The following VCAN variants were observed in gnomAD, a reference collection of about 807,000 sequenced individuals.
VCAN encodes versican.
A neutral mutation model predicts 245.5 loss-of-function variants in VCAN; 44 were observed. That is an observed-to-expected ratio of 0.18 (90% CI 0.14 to 0.23). VCAN has a LOEUF of 0.23. Ranked by LOEUF, VCAN falls within the 10% of genes least tolerant of loss-of-function variation. The pLI, the probability that VCAN is intolerant of heterozygous loss-of-function variation, is 1.00. For missense variants in VCAN, 3,793 were observed against 4,057.9 expected, an observed-to-expected ratio of 0.93 and a Z score of 1.77; for synonymous variants, 1,413 against 1,437.0, an observed-to-expected ratio of 0.98 and a Z score of 0.38.
At chr5:83,550,557 G>A (rs1472784966) in intron 10 of VCAN, among the ~76,000 whole-genome samples, 1 of 152,174 alleles carries the variant, frequency 6.6e-6, no homozygotes, top group East Asian at 1.9e-4. Context: ...CTTGACAAAT[G>A]ATCCTTCATT....
At chr5:83,495,433 G>T (rs902758414) in intron 5 of VCAN, among the ~76,000 whole-genome samples, 4 of 152,160 alleles carry the variant, frequency 2.6e-5, no homozygotes, top group African/African-American at 9.7e-5. Flanking sequence ...TAAACCAAAA[G>T]TGCAGATGTG....
chr5:83,515,948 A>G (rs1745832527), intron 6 of VCAN, among the ~76,000 whole-genome samples: 1 of 152,166 alleles, frequency 6.6e-6, no homozygotes, highest in Non-Finnish European at 1.5e-5. Context: ...GATAGTTTGA[A>G]TTGGCCGGGC....
Position 83,541,416 on chromosome 5 carries a change from C to G in VCAN, c.8413C>G (p.Pro2805Ala), listed in dbSNP as rs766585837. ...VPDVMEGSNP[P>A]YYTDTTLAVS... is the part of the protein sequence containing the mutation. ...TGATGTGATGGAAGGATCCAATCCC[C>G]CATATTACACTGATACAACATTAGC... Residue 2805 changes from proline (P) to alanine (A), a missense_variant, in exon 8 of 15, where the codon CCA becomes GCA. Transcript: ENST00000265077. 1.9e-6 allele frequency: 3 copies of G among 1,614,014 alleles called. No individual in the cohort carries two copies. The highest frequency in any genetic ancestry group is 2.5e-6 in the Non-Finnish European group (3 of 1,179,978).
intron 5 of VCAN, among the ~76,000 whole-genome samples, chr5:83,503,594 T>A (rs1281698015): frequency 3.3e-5 from 5 of 152,244 alleles, no homozygotes; most frequent in Non-Finnish European, 7.3e-5. Flanking sequence ...TTATAAGAAC[T>A]GATTTTCAGA....
At position 83,538,261 on chromosome 5, in the gene VCAN, C is replaced by G. The variant is rs779053238; in HGVS notation, c.5258C>G (p.Pro1753Arg). 4 of 1,613,896 alleles carry G rather than the reference C, an allele frequency of 2.5e-6. No homozygotes were observed. The highest frequency in any genetic ancestry group is 1.1e-5 in the South Asian group (1 of 91,062). The change falls in exon 8 of 15, where the codon CCC becomes CGC. Residue 1753 changes from proline to arginine, a missense_variant. Coordinates refer to ENST00000265077, the MANE Select transcript of VCAN (RefSeq NM_004385.5). ...CAGAGATCGGATCAATTAATTTTACCCTTTGAATTAGAAAGTCCAAATGTA... is the reference window on the plus strand; with the variant it reads ...CAGAGATCGGATCAATTAATTTTACGCTTTGAATTAGAAAGTCCAAATGTA... ...STQRSDQLIL[P>R]FELESPNVAT...
At chr5:83,476,392 A>G (rs906338101) in intron 1 of VCAN, among the ~76,000 whole-genome samples, 2 of 152,260 alleles carry the variant, frequency 1.3e-5, no homozygotes, top group Non-Finnish European at 2.9e-5. Context: ...GAAAGAATTA[A>G]TGACTGTAGT....
At chr5:83,561,240 CTT>C (rs1561270573) in intron 12 of VCAN, among the ~76,000 whole-genome samples, 1 of 152,038 alleles carries the variant, frequency 6.6e-6, no homozygotes, top group Non-Finnish European at 1.5e-5. Flanking sequence ...AACAGAGAGA[CTT>C]TCTCTCTTCT....
intron 7 of VCAN, 150 bp downstream of exon 7, chr5:83,522,459 A>C: frequency 1.2e-6 from 1 of 840,734 alleles, no homozygotes; most frequent in Non-Finnish European, 1.8e-6. Flanking sequence ...ATATATTTGT[A>C]CAAGAATTGG....
At chr5:83,503,326 A>G (rs1446918564) in intron 5 of VCAN, among the ~76,000 whole-genome samples, 1 of 152,160 alleles carries the variant, frequency 6.6e-6, no homozygotes, top group Non-Finnish European at 1.5e-5. Context: ...TCACCTTGAT[A>G]CTTGATATAT....
At chr5:83,498,034 A>G (rs1363486004) in intron 5 of VCAN, among the ~76,000 whole-genome samples, 1 of 152,182 alleles carries the variant, frequency 6.6e-6, no homozygotes, top group Non-Finnish European at 1.5e-5. Flanking sequence ...CCCCTGTGAC[A>G]TAGGCCTATC....
chr5:83,535,454 A>G (rs997158127), intron 7 of VCAN, among the ~76,000 whole-genome samples: 1 of 152,168 alleles, frequency 6.6e-6, no homozygotes. Flanking sequence ...TTTGCATTAC[A>G]TAAAAGTCTT....
At chr5:83,551,589 G>C (rs113809682) in intron 10 of VCAN, among the ~76,000 whole-genome samples, 10 of 152,156 alleles carry the variant, frequency 6.6e-5, no homozygotes, top group East Asian at 5.8e-4. Flanking sequence ...GATAAAAAAG[G>C]GTATGTAGAA....
Position 83,512,231 on chromosome 5 carries a change from C to T in VCAN, c.877C>T (p.Gln293Ter). ...LQAAWRNGFDQCDYGWLSDAS... is the reference protein window; with the variant it reads ...LQAAWRNGFD ...GGCGGCATGGAGGAACGGCTTTGAC[C>T]AGTGCGATTACGGGTGGCTGTCGGA... The change falls in exon 6 of 15, where the codon CAG (glutamine) becomes TAG (stop). Residue 293 changes from glutamine (Q) to a stop codon, truncating the protein, a stop_gained. Transcript: ENST00000265077. LOFTEE classifies it high-confidence loss of function. The T allele has an allele frequency of 6.2e-7, 1 of 1,614,136 alleles. No individual in the cohort carries two copies. The highest frequency in any genetic ancestry group is 8.5e-7 in the Non-Finnish European group (1 of 1,180,020).
intron 1 of VCAN, among the ~76,000 whole-genome samples, chr5:83,482,643 T>C (rs7710491): frequency 0.045 from 6,782 of 152,294 alleles, 506 homozygotes; most frequent in African/African-American, 0.15. Context: ...GATTTCTAGA[T>C]GGTTCCCCAA....
intron 1 of VCAN, among the ~76,000 whole-genome samples, chr5:83,479,955 G>C (rs1386332888): frequency 6.6e-6 from 1 of 152,124 alleles, no homozygotes; most frequent in Non-Finnish European, 1.5e-5. Flanking sequence ...GAGACTAAGT[G>C]GGGGCAGTAA....
intron 1 of VCAN, among the ~76,000 whole-genome samples, chr5:83,472,613 C>T (rs1744236462): frequency 6.6e-6 from 1 of 152,154 alleles, no homozygotes; most frequent in South Asian, 2.1e-4. Context: ...GGACCTGACC[C>T]CTTCAGACCG....
Position 83,539,877 on chromosome 5 carries a change from A to G in VCAN, c.6874A>G (p.Ser2292Gly), listed in dbSNP as rs555845079. The stretch of plus-strand genomic sequence containing the variant: ...ATATCCCCACACTTCTCAAGTGGAA[A>G]GTACCTCAAGTGACAAAATTGAAGA... The part of the protein sequence containing the change: ...TLYPHTSQVE[S>G]TSSDKIEDFN... The change falls in exon 8 of 15, where the codon AGT becomes GGT. Residue 2292 changes from serine to glycine, a missense_variant. Physicochemically the swap from Ser to Gly is moderately conservative, Grantham distance 56. This residue lies in a region of VCAN where 3,182 missense variants were observed against 3,250.3 expected (regional missense o/e 0.98). Transcript: ENST00000265077. The G allele has an allele frequency of 6.2e-7, 1 of 1,614,132 alleles. No individual in the cohort carries two copies. The highest frequency in any genetic ancestry group is 2.2e-5 in the East Asian group (1 of 44,852).
chr5:83,548,974 G>C (rs916330457), intron 10 of VCAN, among the ~76,000 whole-genome samples: 1 of 152,194 alleles, frequency 6.6e-6, no homozygotes, highest in Non-Finnish European at 1.5e-5. Context: ...GTGGATGGAT[G>C]ATGGCTACAT....
rs1408569471 is a variant in VCAN, at chr5:83,541,470, C to G, written c.8467C>G (p.Gln2823Glu). ...AVSTFAKLSS[Q>E]TPSSPLTIYS... ...TTCAACATTTGCGAAGTTGTCTTCTCAGACACCATCATCTCCCCTCACTAT... is the reference window on the plus strand; with the variant it reads ...TTCAACATTTGCGAAGTTGTCTTCTGAGACACCATCATCTCCCCTCACTAT... Residue 2823 changes from glutamine to glutamate, a missense_variant, in exon 8 of 15, where the codon CAG (glutamine) becomes GAG (glutamate). Transcript: ENST00000265077. 1 of 1,613,966 alleles carries G rather than the reference C, an allele frequency of 6.2e-7. No individual in the cohort carries two copies. Among genetic ancestry groups the G allele is most frequent in the East Asian group, 2.2e-5 (1 of 44,878 alleles).
Sources: gnomAD v4.1 joint callset for allele counts (sites outside exome capture counted in the v4.1 genomes callset) on GRCh38, gnomAD v4.1.1 for gene constraint, gnomAD v4.1.1 regional missense constraint, MANE v1.5 for transcripts, NCBI Gene and HGNC (gene_info 2026-07-23, HGNC 2026-07-21) for gene names.